The following ATAD2B variants were observed in gnomAD, a reference collection of about 807,000 sequenced individuals.
ATAD2B encodes the protein ATPase family AAA domain-containing protein 2B.
Under a neutral mutation model 167.6 loss-of-function variants are expected in ATAD2B, and 40 were observed. The observed-to-expected ratio is 0.24, with a 90% CI of 0.19 to 0.31. ATAD2B has a LOEUF of 0.31. Ranked by LOEUF, ATAD2B falls within the 10% of genes least tolerant of loss-of-function variation. The pLI is 1.00. For missense variants in ATAD2B, 1,242 were observed against 1,757.2 expected (o/e 0.71, Z 5.24); for synonymous variants, 579 against 596.5 (o/e 0.97, Z 0.43).
intron 22 of ATAD2B, among the ~76,000 whole-genome samples, chr2:23,780,408 C>A (rs1259548824): frequency 6.6e-6 from 1 of 151,868 alleles, no homozygotes; most frequent in Non-Finnish European, 1.5e-5. Context: ...TCCAGCCATC[C>A]AAAATTTTAT....
At chr2:23,698,665 A>G in the ATAD2B span, among the ~76,000 whole-genome samples, 1 of 152,228 alleles carries the variant, frequency 6.6e-6, no homozygotes, top group Non-Finnish European at 1.5e-5. Context: ...ATATCATTAT[A>G]TAAATAACCG....
At chr2:23,877,899 A>C (rs568220855) in intron 7 of ATAD2B, among the ~76,000 whole-genome samples, 2 of 150,184 alleles carry the variant, frequency 1.3e-5, no homozygotes, top group Non-Finnish European at 3.0e-5. Flanking sequence ...TTACAAAAAA[A>C]TTTTTTTTTA....
intron 1 of ATAD2B, among the ~76,000 whole-genome samples, chr2:23,911,550 A>G (rs1702303314): frequency 6.6e-6 from 1 of 151,438 alleles, no homozygotes; most frequent in South Asian, 2.1e-4. Context: ...GTGAGATCTT[A>G]TCCCAAAAAG....
intron 19 of ATAD2B, among the ~76,000 whole-genome samples, chr2:23,794,908 G>C (rs553056976): frequency 2.6e-5 from 4 of 151,998 alleles, no homozygotes; most frequent in Non-Finnish European, 5.9e-5. Context: ...CAAACTTATC[G>C]TGGGGACTAT....
At chr2:23,735,895 G>C in the ATAD2B span, among the ~76,000 whole-genome samples, 1 of 152,268 alleles carries the variant, frequency 6.6e-6, no homozygotes, top group Non-Finnish European at 1.5e-5. Flanking sequence ...GCAAAATCTT[G>C]CAAAGAACTC....
At chr2:23,885,659 T>A in intron 5 of ATAD2B, 68 bp downstream of exon 5, 1 of 878,000 alleles carries the variant, frequency 1.1e-6, no homozygotes, top group Non-Finnish European at 1.7e-6. Flanking sequence ...AACTGTTGCA[T>A]TCTCCCTTTA....
At chr2:23,705,262 G>A in the ATAD2B span, among the ~76,000 whole-genome samples, 3 of 152,254 alleles carry the variant, frequency 2.0e-5, no homozygotes, top group African/African-American at 4.8e-5. Context: ...GGAGGCTGAG[G>A]TGAATGGATC....
At chr2:23,847,838 C>T (rs1412533965) in intron 13 of ATAD2B, among the ~76,000 whole-genome samples, 3 of 147,008 alleles carry the variant, frequency 2.0e-5, no homozygotes, top group African/African-American at 7.5e-5. Context: ...AAAAAAAATA[C>T]AAAAATTAGC....
At chr2:23,707,086 C>T in the ATAD2B span, 1 of 154,542 alleles carries the variant, frequency 6.5e-6, no homozygotes, top group Non-Finnish European at 1.4e-5. Context: ...GTGTCCTTAT[C>T]ACTTTGATTC....
intron 14 of ATAD2B, among the ~76,000 whole-genome samples, chr2:23,833,390 G>GAA (rs11369516): frequency 2.0e-4 from 30 of 151,594 alleles, no homozygotes; most frequent in East Asian, 3.9e-4. Flanking sequence ...GTTGAATTGG[G>GAA]AAAAAAAAAT....
At chr2:23,813,934 T>C (rs543187005) in intron 17 of ATAD2B, among the ~76,000 whole-genome samples, 9 of 152,190 alleles carry the variant, frequency 5.9e-5, no homozygotes, top group African/African-American at 4.8e-5. Flanking sequence ...CTGAACCAAA[T>C]AGCAAACAAC....
intron 1 of ATAD2B, 55 bp downstream of exon 1, chr2:23,926,500 C>T: frequency 2.0e-6 from 3 of 1,519,004 alleles, no homozygotes; most frequent in Non-Finnish European, 2.6e-6. Context: ...AGACAAAGCC[C>T]CGGCAGCAGG....
intron 19 of ATAD2B, among the ~76,000 whole-genome samples, chr2:23,794,132 C>T (rs932367003): frequency 6.6e-6 from 1 of 152,168 alleles, no homozygotes; most frequent in African/African-American, 2.4e-5. Flanking sequence ...ACCTCAGCCT[C>T]CTGAATAGCT....
At chr2:23,840,793 T>G (rs1377770073) in intron 13 of ATAD2B, among the ~76,000 whole-genome samples, 2 of 152,240 alleles carry the variant, frequency 1.3e-5, no homozygotes, top group Non-Finnish European at 2.9e-5. Context: ...TATCAATTAC[T>G]GAGAGATGTA....
rs1558714038 is a variant in ATAD2B, at chr2:23,878,025, A to AAAAAG, written c.902-2122_902-2121insCTTTT. Reference sequence around the variant, plus strand: ...ACCCTATCTCCAAAGAAAAAAAAAAAAAAAAAAAAAAAAAGCAAAATGTAT... The same window carrying AAAAAG: ...ACCCTATCTCCAAAGAAAAAAAAAAAAAAAGAAAAAAAAAAAAAAGCAAAATGTAT... On this transcript the variant is annotated intron_variant, in intron 7 of 27. Transcript: ENST00000238789. 5.6e-3 allele frequency among the ~76,000 whole-genome samples: 596 copies of AAAAAG among 106,940 alleles called. 30 individuals are homozygous for AAAAAG. The highest frequency in any genetic ancestry group is 0.03 in the South Asian group (99 of 3,286). 70.2% of individuals were successfully genotyped at this position (106,940 alleles called of 152,430 possible).
At chr2:23,855,102 G>A (rs1389218286) in intron 13 of ATAD2B, among the ~76,000 whole-genome samples, 1 of 151,792 alleles carries the variant, frequency 6.6e-6, no homozygotes, top group East Asian at 1.9e-4. Context: ...GCTGAGCCAG[G>A]AGAATCGCTT....
At chr2:23,909,121 TAAA>T (rs1701891153) in intron 1 of ATAD2B, among the ~76,000 whole-genome samples, 1 of 144,652 alleles carries the variant, frequency 6.9e-6, no homozygotes, top group Admixed American at 7.0e-5. Context: ...CCCTAAAACT[TAAA>T]GTATAATAAT....
At chr2:23,734,487 G>A in the ATAD2B span, among the ~76,000 whole-genome samples, 1 of 152,130 alleles carries the variant, frequency 6.6e-6, no homozygotes, top group East Asian at 1.9e-4. Flanking sequence ...AAAGAAAAGA[G>A]GTTTGACTGA....
chr2:23,888,042 A>G (rs1485207377), intron 3 of ATAD2B, 57 bp from the exon 4 acceptor site: 3 of 1,181,516 alleles, frequency 2.5e-6, no homozygotes, highest in Non-Finnish European at 3.2e-6. Context: ...GACAGAAAAG[A>G]AAAAAAAAAT....
Sources: allele counts gnomAD v4.1 joint callset (sites outside exome capture counted in the v4.1 genomes callset), GRCh38; gene constraint gnomAD v4.1.1; transcripts MANE v1.5; gene names NCBI Gene and HGNC (gene_info 2026-07-23, HGNC 2026-07-21).